PAX2: variants seen among roughly 807,000 people sequenced by gnomAD.
PAX2 encodes the protein paired box 2, also known as paired box protein Pax-2.
A neutral mutation model predicts 41.7 loss-of-function variants in PAX2; 9 were observed. The ratio of observed to expected loss-of-function variants is 0.22; its 90% confidence interval spans 0.13 to 0.38. The LOEUF (loss-of-function observed/expected upper bound fraction) is 0.38, where lower values mean the gene tolerates loss of function less well. Ranked by LOEUF, PAX2 falls within the 10% of genes least tolerant of loss-of-function variation. The probability of loss-of-function intolerance (pLI) is 1.00; values close to 1 mark genes in which losing one functional copy is unlikely to be tolerated. For synonymous variants in PAX2, 221 were observed against 212.7 expected (o/e 1.04, Z -0.34); for missense variants, 418 against 531.6 (o/e 0.79, Z 2.10).
chr10:100,804,244 CT>C (rs1173927241), intron 5 of PAX2, among the ~76,000 whole-genome samples: 1 of 148,952 alleles, frequency 6.7e-6, no homozygotes, highest in African/African-American at 2.5e-5. Context: ...AGCCAGTGAC[CT>C]GAGGACAAAG....
chr10:100,754,591 G>C (rs1290979874), intron 3 of PAX2, among the ~76,000 whole-genome samples: 1 of 152,198 alleles, frequency 6.6e-6, no homozygotes, highest in South Asian at 2.1e-4. Context: ...TCCCTCTTCT[G>C]TCATTCTCAG....
intron 1 of PAX2, among the ~76,000 whole-genome samples, chr10:100,740,183 A>G (rs948615569): frequency 3.9e-5 from 6 of 152,296 alleles, no homozygotes; most frequent in African/African-American, 7.2e-5. Context: ...GTCTCCGCCA[A>G]TGGGCCAGCT....
rs573970449 is a variant in PAX2, at chr10:100,772,057, G to A, written c.411-7441G>A. The stretch of plus-strand genomic sequence containing the variant: ...TCCGACCTCATGATTCACTTGCCTC[G>A]GCCTCCCAAAGTGTTGTGATTACAG... On this transcript the variant is annotated intron_variant, in intron 3 of 9. Coordinates refer to ENST00000355243, the MANE Select transcript of PAX2 (RefSeq NM_000278.5). Among the ~76,000 whole-genome samples the A allele has an allele frequency of 1.3e-3, 203 of 150,742 alleles. 1 individual carries two copies. Among genetic ancestry groups the A allele is most frequent in the African/African-American group, 4.8e-3 (196 of 40,940 alleles).
rs1848624117 is a variant in PAX2 at position 100,827,604 on chromosome 10, C to A, written c.1170C>A (p.Ala390=). The change falls in exon 10 of 10, where the codon GCC becomes GCA. Residue 390 remains alanine (A), a synonymous_variant. Coordinates refer to ENST00000355243, the MANE Select transcript of PAX2 (RefSeq NM_000278.5). This position sits in a 1 kb window ranked among gnomAD's most constrained non-coding sequence, Gnocchi z 8.5. ...RGSAPAAAAA[A]YDRH ...CCGCCCCTGCCGCTGCTGCCGCTGC[C>A]TATGACCGCCACTAGTTACCGCGGG... is the stretch of plus-strand genomic sequence containing the variant. 2.5e-6 allele frequency: 4 copies of A among 1,613,968 alleles called. No homozygotes were observed. The highest frequency in any genetic ancestry group is 3.4e-6 in the Non-Finnish European group (4 of 1,179,892).
chr10:100,738,649 A>G (rs966004523), intron 1 of PAX2, among the ~76,000 whole-genome samples: 7 of 152,204 alleles, frequency 4.6e-5, no homozygotes, highest in African/African-American at 1.7e-4. Flanking sequence ...CCGCGGGTCT[A>G]GACCTCCCAG....
Position 100,806,624 on chromosome 10 carries a change from G to C in PAX2, c.792+19G>C, listed in dbSNP as rs765072775. 2 of 1,610,624 alleles carry C rather than the reference G, an allele frequency of 1.2e-6. No individual in the cohort carries two copies. The highest frequency in any genetic ancestry group is 8.5e-7 in the Non-Finnish European group (1 of 1,178,118). ...AGAACAGGTGAGGAGGGAGCTTTCT[G>C]CTTGCAGAAGTAGAAAGGAGCCGGC... On this transcript the variant is annotated intron_variant, in intron 6 of 9. Transcript: ENST00000355243.
intron 5 of PAX2, chr10:100,786,969 A>G (rs1564726920): frequency 1.4e-6 from 2 of 1,389,772 alleles, no homozygotes; most frequent in African/African-American, 1.5e-5. Context: ...TCCTGCCCAC[A>G]TTAGAGGAGG....
intron 7 of PAX2, among the ~76,000 whole-genome samples, chr10:100,820,854 T>C (rs77410148): frequency 1.3e-5 from 2 of 152,256 alleles, no homozygotes; most frequent in African/African-American, 4.8e-5. Context: ...GCCATTGTCA[T>C]TGAGCAACAA....
At position 100,746,060 on chromosome 10, in the gene PAX2, T is replaced by G; in HGVS notation, c.-201T>G. 1 of 1,467,358 alleles carries G rather than the reference T, an allele frequency of 6.8e-7. No individual in the cohort carries two copies. The highest frequency in any genetic ancestry group is 8.9e-7 in the Non-Finnish European group (1 of 1,118,686). 90.9% of individuals were successfully genotyped at this position (1,467,358 alleles called of 1,614,324 possible). On this transcript the variant is annotated 5_prime_UTR_variant, in exon 1 of 10. Transcript: ENST00000355243. ...CAGTGGCAAGTTGCGGCTACTGCAG[T>G]TGCAAGCTCCGGCCAACCCGGAGGA...
chr10:100,787,632 C>T (rs1327558884), intron 5 of PAX2, among the ~76,000 whole-genome samples: 2 of 152,042 alleles, frequency 1.3e-5, no homozygotes, highest in Admixed American at 1.3e-4. Flanking sequence ...CTGGGCAGGG[C>T]CTCGGTATCA....
chr10:100,768,251 A>G (rs1846090238), intron 3 of PAX2, among the ~76,000 whole-genome samples: 1 of 152,216 alleles, frequency 6.6e-6, no homozygotes, highest in Non-Finnish European at 1.5e-5. Flanking sequence ...TCTTAGATCA[A>G]TGCATTGGAG....
At position 100,781,487 on chromosome 10, in the gene PAX2, A is replaced by G. The variant is rs1264738743; in HGVS notation, c.616+122A>G. The G allele has an allele frequency of 1.4e-5, 15 of 1,049,896 alleles. No homozygotes were observed. The Admixed American group carries it at 1.9e-4, about 13-fold the overall frequency. 65.0% of individuals were successfully genotyped at this position (1,049,896 alleles called of 1,614,324 possible). A position where few individuals can be genotyped will look rare whatever the true frequency, so the allele number is the denominator to read the frequency against. On this transcript the variant is annotated intron_variant, in intron 5 of 9. Coordinates refer to ENST00000355243, the MANE Select transcript of PAX2 (RefSeq NM_000278.5). The stretch of plus-strand genomic sequence containing the variant: ...GAGATCAATTTTAGTAGCAAAGCCC[A>G]GGTCCCCCCACTGCCCTGCTGGCTC...
intron 3 of PAX2, among the ~76,000 whole-genome samples, chr10:100,762,740 G>T (rs1237046340): frequency 6.6e-6 from 1 of 152,150 alleles, no homozygotes; most frequent in Admixed American, 6.5e-5. Context: ...TCACAAATAG[G>T]GGTACATGTA....
At chr10:100,804,264 C>T (rs1172397362) in intron 5 of PAX2, among the ~76,000 whole-genome samples, 2 of 96,562 alleles carry the variant, frequency 2.1e-5, no homozygotes, top group African/African-American at 1.1e-4. Context: ...AGCTTCAGTT[C>T]AGCCCCTACA....
chr10:100,762,565 G>T (rs970251648), intron 3 of PAX2, among the ~76,000 whole-genome samples: 2 of 152,102 alleles, frequency 1.3e-5, no homozygotes, highest in African/African-American at 4.8e-5. Context: ...AAATTAAGTC[G>T]AGGGGAGAGA....
chr10:100,765,749 C>A (rs1433032196), intron 3 of PAX2, among the ~76,000 whole-genome samples: 1 of 151,932 alleles, frequency 6.6e-6, no homozygotes, highest in Non-Finnish European at 1.5e-5. Flanking sequence ...TGCCCCTGTG[C>A]TACCTGGCTG....
chr10:100,775,821 A>ACG (rs1846367353), intron 3 of PAX2, among the ~76,000 whole-genome samples: 1 of 152,338 alleles, frequency 6.6e-6, no homozygotes, highest in African/African-American at 2.4e-5. Flanking sequence ...AGATGATTGT[A>ACG]CACTGCCTCT....
chr10:100,789,052 CA>C (rs1846994340), intron 5 of PAX2, among the ~76,000 whole-genome samples: 1 of 152,126 alleles, frequency 6.6e-6, no homozygotes, highest in African/African-American at 2.4e-5. Context: ...CCTGGTTCAG[CA>C]CTGTAAGAAG....
At chr10:100,749,512 G>T (rs1340824939) in intron 1 of PAX2, 2 of 1,325,668 alleles carry the variant, frequency 1.5e-6, no homozygotes, top group East Asian at 2.9e-5. Flanking sequence ...TCTACCTTGC[G>T]TCGCAAGGCC....
Sources: gnomAD v4.1 joint callset for allele counts (sites outside exome capture counted in the v4.1 genomes callset) on GRCh38, gnomAD v4.1.1 for gene constraint, Gnocchi (gnomAD v3.1) non-coding constraint, MANE v1.5 for transcripts, NCBI Gene and HGNC (gene_info 2026-07-23, HGNC 2026-07-21) for gene names.